SHCBP1: variants seen among roughly 807,000 people sequenced by gnomAD.
SHCBP1 encodes SHC SH2 domain-binding protein 1.
Under a neutral mutation model 75.1 loss-of-function variants are expected in SHCBP1, and 60 were observed. The observed-to-expected ratio is 0.80, with a 90% CI of 0.65 to 0.99. SHCBP1 has a LOEUF of 0.99. SHCBP1 is among the 50% of genes least tolerant of loss of function. The probability of loss-of-function intolerance (pLI) is 0.00; values close to 1 mark genes in which losing one functional copy is unlikely to be tolerated. For synonymous variants in SHCBP1, 290 were observed against 293.2 expected, an observed-to-expected ratio of 0.99 and a Z score of 0.11; for missense variants, 709 against 809.4, an observed-to-expected ratio of 0.88 and a Z score of 1.50.
At chr16:46,605,721 C>G (rs773770385) in intron 5 of SHCBP1, among the ~76,000 whole-genome samples, 1 of 151,866 alleles carries the variant, frequency 6.6e-6, no homozygotes, top group Non-Finnish European at 1.5e-5. Flanking sequence ...AGAGTGAGAA[C>G]GATTGCCTTA....
chr16:46,596,086 A>G (rs1295549735), intron 9 of SHCBP1, among the ~76,000 whole-genome samples: 2 of 152,230 alleles, frequency 1.3e-5, no homozygotes, highest in Middle Eastern at 3.2e-3. Context: ...ACAACACTGG[A>G]AAGTTTTAAA....
intron 10 of SHCBP1, among the ~76,000 whole-genome samples, chr16:46,593,233 A>G (rs1160431810): frequency 1.3e-5 from 2 of 152,068 alleles, no homozygotes; most frequent in African/African-American, 4.8e-5. Context: ...ATCTACAAAA[A>G]CATTCCTATA....
Position 46,581,549 on chromosome 16 carries a change from C to A in SHCBP1, c.*180G>T. 1.8e-6 allele frequency: 1 copy of A among 565,884 alleles called. No individual in the cohort carries two copies. Among genetic ancestry groups the A allele is most frequent in the African/African-American group, 1.9e-5 (1 of 52,764 alleles). 35.1% of individuals were successfully genotyped at this position (565,884 alleles called of 1,614,324 possible). A position where few individuals can be genotyped will look rare whatever the true frequency, so the allele number is the denominator to read the frequency against. ...TATTTTATATGCATTTATGATTTTT[C>A]TTATAAAGAGGGAGTGTTTTATGTG... is the stretch of plus-strand genomic sequence containing the variant. On this transcript the variant is annotated 3_prime_UTR_variant, in exon 13 of 13. Transcript: ENST00000303383.
chr16:46,618,367 A>T lies in SHCBP1; in HGVS notation c.109T>A (p.Phe37Ile), dbSNP rs980745275. ...QELASLEKGL[F>I]QDEDSCSDCS... ...TCACTGCATGAATCTTCATCTTGGA[A>T]CAAACCTAAAAAAAAAAAGCAAAAA... is the stretch of plus-strand genomic sequence containing the variant. The change falls in exon 2 of 13, where the codon TTC becomes ATC. Residue 37 changes from phenylalanine to isoleucine, a missense_variant. Coordinates refer to ENST00000303383, the MANE Select transcript of SHCBP1 (RefSeq NM_024745.5). 1 of 1,582,258 alleles carries T rather than the reference A, an allele frequency of 6.3e-7. No individual in the cohort carries two copies. The highest frequency in any genetic ancestry group is 2.0e-5 in the Admixed American group (1 of 51,086).
Position 46,616,873 on chromosome 16 carries a change from A to C in SHCBP1, c.388-719T>G, listed in dbSNP as rs1377538246. Among the ~76,000 whole-genome samples, 2 of 152,152 alleles carry C rather than the reference A, an allele frequency of 1.3e-5. No individual in the cohort carries two copies. Among genetic ancestry groups the C allele is most frequent in the Non-Finnish European group, 2.9e-5 (2 of 68,030 alleles). On this transcript the variant is annotated intron_variant, in intron 3 of 12. Transcript: ENST00000303383. The surrounding 1 kb of genome is among the most constrained non-coding windows in gnomAD (Gnocchi z 4.4). Reference sequence around the variant, plus strand: ...AACTTCAACCAAAAAATATTAGCACAATCCAAAATTTTAAAACTCACAAGC... The same window carrying C: ...AACTTCAACCAAAAAATATTAGCACCATCCAAAATTTTAAAACTCACAAGC...
chr16:46,611,048 A>C (rs1444712441), intron 4 of SHCBP1, among the ~76,000 whole-genome samples: 2 of 152,078 alleles, frequency 1.3e-5, no homozygotes, highest in Non-Finnish European at 2.9e-5. Flanking sequence ...CATTTTTCCC[A>C]TGTCCGCATG....
At chr16:46,583,390 C>G in intron 12 of SHCBP1, 126 bp downstream of exon 12, 2 of 961,152 alleles carry the variant, frequency 2.1e-6, no homozygotes, top group South Asian at 3.8e-5. Context: ...AAGCTTCTCT[C>G]TCTCCATGCC....
intron 10 of SHCBP1, 94 bp downstream of exon 10, chr16:46,595,458 G>A (rs1414352443): frequency 3.2e-6 from 3 of 946,904 alleles, no homozygotes; most frequent in African/African-American, 3.2e-5. Flanking sequence ...TCTGAAGAGA[G>A]TGGGAGTACA....
rs553057294 is a variant in SHCBP1, at chr16:46,593,713, T to C, written c.1464+1839A>G. On this transcript the variant is annotated intron_variant, in intron 10 of 12. Transcript: ENST00000303383. ...GTGTTCATGCCACCGCATTCCAGCC[T>C]GAGTGACAGAACAAGTCCCTAGTCC... Among the ~76,000 whole-genome samples the C allele has an allele frequency of 2.3e-5, 3 of 129,888 alleles. No individual in the cohort carries two copies. The South Asian group carries it at 8.5e-4, about 37-fold the overall frequency. 85.2% of individuals were successfully genotyped at this position (129,888 alleles called of 152,430 possible). A position where few individuals can be genotyped will look rare whatever the true frequency, so the allele number is the denominator to read the frequency against.
chr16:46,599,059 T>G (rs1361618769), intron 9 of SHCBP1, among the ~76,000 whole-genome samples: 1 of 152,228 alleles, frequency 6.6e-6, no homozygotes, highest in East Asian at 1.9e-4. Context: ...TGGTGGCTGA[T>G]TTGATCTTCC....
Position 46,604,438 on chromosome 16 carries a change from C to A in SHCBP1, c.713G>T (p.Arg238Leu). The A allele has an allele frequency of 6.2e-7, 1 of 1,612,364 alleles. No homozygotes were observed. Among genetic ancestry groups the A allele is most frequent in the South Asian group, 1.1e-5 (1 of 91,044 alleles). Residue 238 changes from arginine (R) to leucine (L), a missense_variant, in exon 6 of 13, where the codon CGA (arginine) becomes CTA (leucine). By Grantham distance (102) the Arg-to-Leu change is moderately radical. Coordinates refer to ENST00000303383, the MANE Select transcript of SHCBP1 (RefSeq NM_024745.5). ...GTCAACAATAAGTCCTGATGGAACTCGGTCTTCAAGAATGTCATAATGCCT... is the reference window on the plus strand; with the variant it reads ...GTCAACAATAAGTCCTGATGGAACTAGGTCTTCAAGAATGTCATAATGCCT... The part of the protein sequence containing the change: ...LRLHYDILED[R>L]VPSGLIVDYH...
chr16:46,595,444 A>T, intron 10 of SHCBP1, 108 bp downstream of exon 10: 1 of 865,486 alleles, frequency 1.2e-6, no homozygotes, highest in Non-Finnish European at 1.9e-6. Context: ...GGTAGAGATG[A>T]CTGTCTGAAG....
At chr16:46,609,442 CTTTTT>C (rs71158875) in intron 4 of SHCBP1, among the ~76,000 whole-genome samples, 14 of 61,334 alleles carry the variant, frequency 2.3e-4, no homozygotes, top group Admixed American at 8.3e-4. Context: ...CTTTTCTTTT[CTTTTT>C]TTTTTTTTTT....
rs755251087 is a variant in SHCBP1 at position 46,621,307 on chromosome 16, G to C, written c.53C>G (p.Pro18Arg). ...GGGLEAAAMAPERMGWAVEQE... is the reference protein window; with the variant it reads ...GGGLEAAAMARERMGWAVEQE... ...CTCCACCGCCCAGCCCATGCGCTCC[G>C]GCGCCATGGCCGCTGCCTCCAGACC... The change falls in exon 1 of 13, where the codon CCG becomes CGG. Residue 18 changes from proline (P) to arginine (R), a missense_variant. By Grantham distance (103) the Pro-to-Arg change is moderately radical. Transcript: ENST00000303383. 2 of 1,610,880 alleles carry C rather than the reference G, an allele frequency of 1.2e-6. No individual in the cohort carries two copies. The highest frequency in any genetic ancestry group is 2.7e-5 in the African/African-American group (2 of 74,878).
intron 4 of SHCBP1, among the ~76,000 whole-genome samples, chr16:46,610,871 C>CT (rs1179630414): frequency 3.3e-5 from 5 of 151,932 alleles, no homozygotes; most frequent in African/African-American, 9.7e-5. Flanking sequence ...TTAACATGTA[C>CT]TTTATGTTAT....
chr16:46,606,767 T>C (rs188201466), intron 5 of SHCBP1, among the ~76,000 whole-genome samples: 1 of 151,630 alleles, frequency 6.6e-6, no homozygotes, highest in African/African-American at 2.4e-5. Context: ...TACGAAGAGC[T>C]AAAATCACAC....
At chr16:46,608,556 TGG>T in intron 4 of SHCBP1, among the ~76,000 whole-genome samples, 167 bp from the exon 5 acceptor site, 2 of 151,524 alleles carry the variant, frequency 1.3e-5, no homozygotes, top group East Asian at 3.9e-4. Flanking sequence ...AGACCTTTTT[TGG>T]ATCAGCTAAA....
Position 46,604,243 on chromosome 16 carries a change from T to G in SHCBP1, c.908A>C (p.Glu303Ala), listed in dbSNP as rs1251024992. 1 of 1,614,228 alleles carries G rather than the reference T, an allele frequency of 6.2e-7. No homozygotes were observed. Reference sequence around the variant, plus strand: ...ACACACATACCTCAACAAAGGATTCTCAATGAGTTTCAGCTTTTGTTTCAA... The same window carrying G: ...ACACACATACCTCAACAAAGGATTCGCAATGAGTTTCAGCTTTTGTTTCAA... ...EQLKQKLKLI[E>A]NPLLRYVFGY... The change falls in exon 6 of 13, where the codon GAG becomes GCG. Residue 303 changes from glutamate (E) to alanine (A), a missense_variant. Glu to Ala is a moderately radical substitution (Grantham distance 107, BLOSUM62 -1). Transcript: ENST00000303383.
At chr16:46,587,398 A>T (rs1056608297) in intron 10 of SHCBP1, among the ~76,000 whole-genome samples, 4 of 152,208 alleles carry the variant, frequency 2.6e-5, no homozygotes, top group African/African-American at 4.8e-5. Flanking sequence ...CAAACAGAAA[A>T]CACGAAATAA....
Sources: allele counts gnomAD v4.1 joint callset (sites outside exome capture counted in the v4.1 genomes callset), GRCh38; gene constraint gnomAD v4.1.1; non-coding constraint Gnocchi (gnomAD v3.1); transcripts MANE v1.5; gene names NCBI Gene and HGNC (gene_info 2026-07-23, HGNC 2026-07-21).